SGCD: variants seen among roughly 807,000 people sequenced by gnomAD.
The protein encoded by SGCD is sarcoglycan delta, also known as delta-sarcoglycan.
Under a neutral mutation model 36.6 loss-of-function variants are expected in SGCD, and 18 were observed. That is an observed-to-expected ratio of 0.49 (90% confidence interval 0.34 to 0.73). The LOEUF is 0.73. SGCD is among the 30% of genes least tolerant of loss of function. SGCD has a pLI of 0.01. For missense variants in SGCD, 387 were observed against 346.7 expected, an observed-to-expected ratio of 1.12 and a Z score of -0.92; for synonymous variants, 133 against 130.6, an observed-to-expected ratio of 1.02 and a Z score of -0.12.
At chr5:156,250,345 A>G (rs552166011) in intron 3 of SGCD, among the ~76,000 whole-genome samples, 1 of 152,308 alleles carries the variant, frequency 6.6e-6, no homozygotes, top group African/African-American at 2.4e-5. Context: ...AAGGTGTGAA[A>G]CCCACAAGGA....
the SGCD span, among the ~76,000 whole-genome samples, chr5:155,810,052 A>G: frequency 6.6e-6 from 1 of 152,182 alleles, no homozygotes; most frequent in Non-Finnish European, 1.5e-5. Flanking sequence ...TGCTGTAACA[A>G]TAATTGATGT....
chr5:156,399,092 A>G (rs1296323966), intron 3 of SGCD, among the ~76,000 whole-genome samples: 1 of 152,186 alleles, frequency 6.6e-6, no homozygotes, highest in African/African-American at 2.4e-5. Flanking sequence ...GTAATAGTTG[A>G]TCTATTAATA....
intron 1 of SGCD, among the ~76,000 whole-genome samples, chr5:156,081,550 C>T (rs560712280): frequency 4.6e-5 from 7 of 152,232 alleles, no homozygotes; most frequent in Non-Finnish European, 8.8e-5. Flanking sequence ...CATGCTACCA[C>T]GTGCAACTAA....
At chr5:155,982,988 T>G (rs1166378748) in intron 1 of SGCD, among the ~76,000 whole-genome samples, 1 of 152,198 alleles carries the variant, frequency 6.6e-6, no homozygotes, top group Admixed American at 6.5e-5. Context: ...CCAGTGCTTT[T>G]TATTTATTTT....
In SGCD at chr5:156,517,745, T is replaced by G. The variant is rs189421267; in HGVS notation, c.294+9043T>G. Among the ~76,000 whole-genome samples, 330 of 152,252 alleles carry G rather than the reference T, an allele frequency of 2.2e-3. 1 individual carries two copies. Among genetic ancestry groups the G allele is most frequent in the African/African-American group, 7.7e-3 (318 of 41,542 alleles). Reference sequence around the variant, plus strand: ...AATTTTATATCTAGCCAAACTAAACTTCCTAAGTGAAGGAGAAATAAAATC... The same window carrying G: ...AATTTTATATCTAGCCAAACTAAACGTCCTAAGTGAAGGAGAAATAAAATC... On this transcript the variant is annotated intron_variant, in intron 4 of 8. Transcript: ENST00000337851.
chr5:156,609,092 G>T (rs1199524315), intron 6 of SGCD, among the ~76,000 whole-genome samples: 3 of 151,634 alleles, frequency 2.0e-5, no homozygotes, highest in Non-Finnish European at 4.4e-5. Flanking sequence ...TCATGATGAT[G>T]TTAGCTGGTT....
chr5:156,140,702 T>C (rs1762559377), intron 3 of SGCD, among the ~76,000 whole-genome samples: 1 of 152,146 alleles, frequency 6.6e-6, no homozygotes, highest in African/African-American at 2.4e-5. Flanking sequence ...TCAAATATGA[T>C]GCAGAACATA....
chr5:156,422,147 C>T (rs1773338171), intron 3 of SGCD, among the ~76,000 whole-genome samples: 1 of 151,986 alleles, frequency 6.6e-6, no homozygotes, highest in Non-Finnish European at 1.5e-5. Flanking sequence ...TTTTTGAGGG[C>T]TTAGCACTGT....
At chr5:156,504,921 GTATCATGCATGTAATCA>G (rs1561741226) in intron 3 of SGCD, among the ~76,000 whole-genome samples, 2 of 152,238 alleles carry the variant, frequency 1.3e-5, no homozygotes, top group African/African-American at 2.4e-5. Flanking sequence ...TTTAGTAATC[GTATCATGCATGTAATCA>G]TATGCGTGTA....
At chr5:155,956,692 G>C (rs945400455) in intron 1 of SGCD, among the ~76,000 whole-genome samples, 3 of 151,986 alleles carry the variant, frequency 2.0e-5, no homozygotes, top group African/African-American at 7.2e-5. Context: ...GCTTGTGGTG[G>C]CACCAGGCAT....
chr5:156,100,936 T>A (rs914574902), intron 1 of SGCD, among the ~76,000 whole-genome samples: 7 of 152,074 alleles, frequency 4.6e-5, no homozygotes, highest in Non-Finnish European at 8.8e-5. Flanking sequence ...AAAGCCTAAA[T>A]CCCCCTAATA....
At chr5:156,626,471 A>G (rs1171361427) in intron 6 of SGCD, among the ~76,000 whole-genome samples, 3 of 152,232 alleles carry the variant, frequency 2.0e-5, no homozygotes, top group Admixed American at 6.5e-5. Flanking sequence ...GCTCTCCAGC[A>G]GAAAGCTCTT....
intron 2 of SGCD, among the ~76,000 whole-genome samples, chr5:156,332,471 G>GT (rs1768116189): frequency 6.6e-6 from 1 of 152,154 alleles, no homozygotes; most frequent in Admixed American, 6.5e-5. Context: ...ACCTGTACAT[G>GT]TTTACATTTG....
At chr5:155,783,362 G>A in the SGCD span, among the ~76,000 whole-genome samples, 7 of 152,190 alleles carry the variant, frequency 4.6e-5, no homozygotes, top group South Asian at 1.2e-3. Flanking sequence ...AAATAAGTTG[G>A]TGGTTTACTT....
At chr5:155,972,582 A>G (rs906007527) in intron 1 of SGCD, among the ~76,000 whole-genome samples, 2 of 152,128 alleles carry the variant, frequency 1.3e-5, no homozygotes, top group Non-Finnish European at 1.5e-5. Context: ...GTGTTTAAGC[A>G]TATGTTAACT....
chr5:156,050,366 T>C (rs1759884955), intron 1 of SGCD, among the ~76,000 whole-genome samples: 1 of 146,784 alleles, frequency 6.8e-6, no homozygotes, highest in Non-Finnish European at 1.5e-5. Context: ...TTTTTACTAA[T>C]AAAGTATTCT....
At chr5:155,947,095 T>C (rs1465772690) in intron 1 of SGCD, among the ~76,000 whole-genome samples, 1 of 152,124 alleles carries the variant, frequency 6.6e-6, no homozygotes, top group African/African-American at 2.4e-5. Context: ...GAGGGAGATA[T>C]GTGGAAGCAT....
chr5:156,537,262 T>C (rs992996162), intron 4 of SGCD, among the ~76,000 whole-genome samples: 13 of 152,214 alleles, frequency 8.5e-5, no homozygotes, highest in African/African-American at 3.1e-4. Flanking sequence ...TTGTGAAAAA[T>C]GATCATCCAT....
intron 1 of SGCD, among the ~76,000 whole-genome samples, chr5:155,943,216 G>C (rs1308805983): frequency 6.6e-6 from 1 of 152,106 alleles, no homozygotes; most frequent in Non-Finnish European, 1.5e-5. Flanking sequence ...AAATTACTAT[G>C]AGAACTACAC....
Sources: allele counts gnomAD v4.1 joint callset (sites outside exome capture counted in the v4.1 genomes callset), GRCh38; gene constraint gnomAD v4.1.1; transcripts MANE v1.5; gene names NCBI Gene and HGNC (gene_info 2026-07-23, HGNC 2026-07-21).